Variants in IGHMBP2 observed in about 807,000 individuals in gnomAD.
IGHMBP2 encodes DNA-binding protein SMUBP-2.
Under a neutral mutation model 96.0 loss-of-function variants are expected in IGHMBP2, and 81 were observed. The ratio of observed to expected loss-of-function variants is 0.84; its 90% CI spans 0.71 to 1.01. IGHMBP2 has a LOEUF of 1.01. Among genes scored for constraint, IGHMBP2 ranks in the 50% least tolerant of loss-of-function variants. The probability of loss-of-function intolerance (pLI) is 0.00; values close to 1 mark genes in which losing one functional copy is unlikely to be tolerated. For synonymous variants in IGHMBP2, 557 were observed against 548.9 expected, an observed-to-expected ratio of 1.01 and a Z score of -0.21; for missense variants, 1,227 against 1,306.3, an observed-to-expected ratio of 0.94 and a Z score of 0.94.
chr11:68,910,966 C>A (rs541157011), intron 4 of IGHMBP2, among the ~76,000 whole-genome samples: 2 of 151,472 alleles, frequency 1.3e-5, no homozygotes, highest in Non-Finnish European at 2.9e-5. Flanking sequence ...ATTTGTTAAT[C>A]ATTGTTTTTG....
intron 4 of IGHMBP2, among the ~76,000 whole-genome samples, chr11:68,909,194 G>T (rs1594419411): frequency 8.7e-6 from 1 of 114,832 alleles, no homozygotes; most frequent in African/African-American, 3.1e-5. Context: ...GTGGAGGGGG[G>T]GGGCGGATGG....
chr11:68,936,306 C>T lies in IGHMBP2; in HGVS notation c.1826C>T (p.Ala609Val), dbSNP rs776775995. ...VAVTRARRHVAVICDSRTVNN... is the reference protein window; with the variant it reads ...VAVTRARRHVVVICDSRTVNN... ...GTCACCCGTGCCCGACGCCACGTGG[C>T]GGTCATCTGTGACTCCCGTACTGTC... Residue 609 changes from alanine to valine, a missense_variant, in exon 13 of 15, where the codon GCG becomes GTG. By Grantham distance (64) the Ala-to-Val change is moderately conservative. Coordinates refer to ENST00000255078, the MANE Select transcript of IGHMBP2 (RefSeq NM_002180.3). 23 of 1,614,044 alleles carry T rather than the reference C, an allele frequency of 1.4e-5. No homozygotes were observed. Among genetic ancestry groups the T allele is most frequent in the Middle Eastern group, 1.6e-4 (1 of 6,084 alleles).
At position 68,930,550 on chromosome 11, in the gene IGHMBP2, G is replaced by A. The variant is rs558265136; in HGVS notation, c.1235+1193G>A. 1.4e-4 allele frequency: 164 copies of A among 1,206,364 alleles called. No homozygotes were observed. In the South Asian group the frequency reaches 1.8e-3, roughly 13 times the overall value. The allele number at this position is 1,206,364 out of a possible 1,614,324, so 74.7% of individuals were successfully genotyped here. A position where few individuals can be genotyped will look rare whatever the true frequency, so the allele number is the denominator to read the frequency against. On this transcript the variant is annotated intron_variant, in intron 8 of 14. Transcript: ENST00000255078. ...CTGAGGAAAGGTGCTCTGAAAGATC[G>A]TCCTGGTGGGAGACACATGGGGATC...
At chr11:68,935,917 G>A (rs557435614) in intron 12 of IGHMBP2, among the ~76,000 whole-genome samples, 1 of 152,356 alleles carries the variant, frequency 6.6e-6, no homozygotes, top group South Asian at 2.1e-4. Context: ...GGAAAGAAGG[G>A]AAGGTCCTGG....
intron 5 of IGHMBP2, 84 bp downstream of exon 5, chr11:68,911,687 C>A (rs1320115370): frequency 1.5e-6 from 2 of 1,314,286 alleles, no homozygotes; most frequent in African/African-American, 1.4e-5. Context: ...ACCTTTCAGC[C>A]TCAGTTCTGG....
intron 5 of IGHMBP2, among the ~76,000 whole-genome samples, chr11:68,911,827 T>C (rs1322902687): frequency 6.6e-6 from 1 of 152,240 alleles, no homozygotes; most frequent in Non-Finnish European, 1.5e-5. Context: ...TGAGGAAGGC[T>C]CCTGGAGCCC....
chr11:68,938,383 A>G, intron 14 of IGHMBP2, 29 bp downstream of exon 14: 1 of 1,580,476 alleles, frequency 6.3e-7, no homozygotes, highest in Non-Finnish European at 8.6e-7. Flanking sequence ...CTGCGATCAA[A>G]CAGTGGGGAG....
chr11:68,933,097 A>G (rs1859378092), intron 8 of IGHMBP2: 1 of 611,358 alleles, frequency 1.6e-6, no homozygotes, highest in Non-Finnish European at 2.9e-6. Context: ...CCTGTAAGGG[A>G]ACATTCACGG....
In IGHMBP2 at chr11:68,938,206, C is replaced by A. The variant is rs17612126; in HGVS notation, c.2636C>A (p.Thr879Lys). The A allele has an allele frequency of 0.27, 439,042 of 1,613,734 alleles. 63,713 individuals carry two copies. The highest frequency in any genetic ancestry group is 0.44 in the Admixed American group (26,513 of 59,994). ...AKGHPATDLPTEEDFEALVSA... is the reference protein window; with the variant it reads ...AKGHPATDLPKEEDFEALVSA... ...GGACATCCGGCCACAGATCTGCCCACGGAGGAGGACTTTGAGGCCCTGGTT... is the reference window on the plus strand; with the variant it reads ...GGACATCCGGCCACAGATCTGCCCAAGGAGGAGGACTTTGAGGCCCTGGTT... The change falls in exon 14 of 15, where the codon ACG becomes AAG. Residue 879 changes from threonine (T) to lysine (K), a missense_variant. Thr to Lys is a moderately conservative substitution (Grantham distance 78). Around this residue, in one of 3 missense-constraint regions of IGHMBP2, gnomAD observed 703 missense variants for 770.3 expected, o/e 0.91. Coordinates refer to ENST00000255078, the MANE Select transcript of IGHMBP2 (RefSeq NM_002180.3).
intron 4 of IGHMBP2, among the ~76,000 whole-genome samples, chr11:68,909,966 A>G (rs1224850525): frequency 6.6e-6 from 1 of 151,994 alleles, no homozygotes; most frequent in African/African-American, 2.4e-5. Flanking sequence ...GTTCTTGGAG[A>G]ACGTCATTTT....
In IGHMBP2 at chr11:68,938,326, G is replaced by A. The variant is rs148605058; in HGVS notation, c.2756G>A (p.Arg919His). ...CAGTTCTGCCAGCTCTGCAGCCGCC[G>A]CTACTGCCTCAGCCACCACCTGCCC... Reference protein sequence around the residue: ...LGQFCQLCSRRYCLSHHLPEI... With the variant: ...LGQFCQLCSRHYCLSHHLPEI... Residue 919 changes from arginine to histidine, a missense_variant, in exon 14 of 15, where the codon CGC (arginine) becomes CAC (histidine). Physicochemically the swap from Arg to His is conservative, Grantham distance 29. This residue lies in a region of IGHMBP2 where 703 missense variants were observed against 770.3 expected (regional missense o/e 0.91). Transcript: ENST00000255078. 3.1e-6 allele frequency: 5 copies of A among 1,611,506 alleles called. No individual in the cohort carries two copies. The highest frequency in any genetic ancestry group is 1.3e-5 in the African/African-American group (1 of 74,866).
At chr11:68,930,289 T>G (rs920158418) in intron 8 of IGHMBP2, 5 of 1,287,024 alleles carry the variant, frequency 3.9e-6, no homozygotes, top group African/African-American at 3.0e-5. Context: ...GGTTGCCTTT[T>G]GAAACACTTC....
At chr11:68,933,213 G>A in intron 8 of IGHMBP2, 86 bp from the exon 9 acceptor site, 1 of 1,365,874 alleles carries the variant, frequency 7.3e-7, no homozygotes. Context: ...CCTGAGGTTT[G>A]GGGCCTGTCC....
intron 8 of IGHMBP2, chr11:68,930,410 G>T (rs1279638058): frequency 1.6e-6 from 2 of 1,289,760 alleles, no homozygotes; most frequent in South Asian, 2.5e-5. Flanking sequence ...CATCACAGGG[G>T]CGTGGGCAGC....
At chr11:68,928,622 TA>T (rs1859157378) in intron 7 of IGHMBP2, among the ~76,000 whole-genome samples, 1 of 152,162 alleles carries the variant, frequency 6.6e-6, no homozygotes, top group Admixed American at 6.5e-5. Context: ...GAAACAGGCT[TA>T]GGGGTGGGAG....
At chr11:68,930,101 C>T in intron 8 of IGHMBP2, 2 of 1,183,204 alleles carry the variant, frequency 1.7e-6, no homozygotes, top group Non-Finnish European at 2.1e-6. Context: ...CCAGATGAAC[C>T]CTCTGCATGG....
At chr11:68,919,666 G>T (rs1231606170) in intron 7 of IGHMBP2, among the ~76,000 whole-genome samples, 1 of 152,202 alleles carries the variant, frequency 6.6e-6, no homozygotes. Flanking sequence ...AGAGAGGGAC[G>T]TTGAAATCTC....
rs1859406721 is a variant in IGHMBP2, at chr11:68,933,671, C to T, written c.1419-124C>T. The T allele has an allele frequency of 3.0e-6, 3 of 994,144 alleles. No homozygotes were observed. In the Admixed American group the frequency reaches 5.9e-5, roughly 20 times the overall value. 61.6% of individuals were successfully genotyped at this position (994,144 alleles called of 1,614,324 possible). A position where few individuals can be genotyped will look rare whatever the true frequency, so the allele number is the denominator to read the frequency against. ...GGCCCGCTCCCTCCCTTCTGATGTC[C>T]TGATGTGCTCATTGTCCTCCCCTAC... is the stretch of plus-strand genomic sequence containing the variant. On this transcript the variant is annotated intron_variant, in intron 9 of 14. Coordinates refer to ENST00000255078, the MANE Select transcript of IGHMBP2 (RefSeq NM_002180.3).
Position 68,936,878 on chromosome 11 carries a change from G to C in IGHMBP2, c.2398G>C (p.Gly800Arg). Reference sequence around the variant, plus strand: ...AGCCCTGGGACCCCCAGCAGGGACCGGTGGCCCAGCCCCTCTCCAGCCAGT... The same window carrying C: ...AGCCCTGGGACCCCCAGCAGGGACCCGTGGCCCAGCCCCTCTCCAGCCAGT... ...RAALGPPAGT[G>R]GPAPLQPVPP... The change falls in exon 13 of 15, where the codon GGT (glycine) becomes CGT (arginine). Residue 800 changes from glycine (G) to arginine (R), a missense_variant. By Grantham distance (125) the Gly-to-Arg change is moderately radical. This residue lies in a region of IGHMBP2 where 703 missense variants were observed against 770.3 expected (regional missense o/e 0.91). Transcript: ENST00000255078. The C allele has an allele frequency of 6.2e-7, 1 of 1,610,766 alleles. No individual in the cohort carries two copies. Among genetic ancestry groups the C allele is most frequent in the Non-Finnish European group, 8.5e-7 (1 of 1,179,138 alleles).
Sources: gnomAD v4.1 joint callset for allele counts (sites outside exome capture counted in the v4.1 genomes callset) on GRCh38, gnomAD v4.1.1 for gene constraint, gnomAD v4.1.1 regional missense constraint, MANE v1.5 for transcripts, NCBI Gene and HGNC (gene_info 2026-07-23, HGNC 2026-07-21) for gene names.